ADK: variants seen among roughly 807,000 people sequenced by gnomAD.
The protein encoded by ADK is adenosine kinase.
Under a neutral mutation model 44.7 loss-of-function variants are expected in ADK, and 24 were observed. That is an observed-to-expected ratio of 0.54 (90% CI 0.39 to 0.76). ADK has a LOEUF of 0.76. Among genes scored for constraint, ADK ranks in the 30% least tolerant of loss-of-function variants. The probability of loss-of-function intolerance (pLI) is 0.00; values close to 1 mark genes in which losing one functional copy is unlikely to be tolerated. For synonymous variants in ADK, 128 were observed against 142.6 expected, an observed-to-expected ratio of 0.90 and a Z score of 0.73; for missense variants, 321 against 425.1, an observed-to-expected ratio of 0.76 and a Z score of 2.15.
chr10:74,695,496 GTA>G (rs1296923353), intron 10 of ADK, among the ~76,000 whole-genome samples: 26 of 143,258 alleles, frequency 1.8e-4, no homozygotes, highest in African/African-American at 5.3e-4. Context: ...GTGTGTGTGT[GTA>G]TGTGTGTATG....
rs899399398 is a variant in ADK, at chr10:74,454,656, C to T, written c.555+56077C>T. ...GGCCTCTATAACAAAAACAGATTAA[C>T]AAGAGAAAAGTATACTATAATTTAA... On this transcript the variant is annotated intron_variant, in intron 6 of 10. Coordinates refer to ENST00000539909, the MANE Select transcript of ADK (RefSeq NM_006721.4). 6.6e-5 allele frequency among the ~76,000 whole-genome samples: 10 copies of T among 152,138 alleles called. No individual in the cohort carries two copies. The East Asian group carries it at 1.9e-3, about 29-fold the overall frequency.
intron 7 of ADK, among the ~76,000 whole-genome samples, chr10:74,554,188 G>A (rs1006317268): frequency 6.6e-6 from 1 of 152,038 alleles, no homozygotes; most frequent in Non-Finnish European, 1.5e-5. Context: ...ATACATTAAT[G>A]TACTCTTTTT....
chr10:74,403,039 A>G (rs530361418), intron 6 of ADK, among the ~76,000 whole-genome samples: 146 of 152,266 alleles, frequency 9.6e-4, no homozygotes, highest in African/African-American at 3.1e-3. Context: ...TTGCCTGGCT[A>G]TCACCAGCAG....
chr10:74,204,746 T>G (rs7909197), intron 2 of ADK, among the ~76,000 whole-genome samples: 111,984 of 152,050 alleles, frequency 0.74, 41,943 homozygotes, highest in Middle Eastern at 0.85. Flanking sequence ...AAAATTTCTT[T>G]TTCTGTCAAA....
At chr10:74,577,496 A>T (rs1851235282) in intron 7 of ADK, among the ~76,000 whole-genome samples, 1 of 151,412 alleles carries the variant, frequency 6.6e-6, no homozygotes, top group South Asian at 2.1e-4. Flanking sequence ...AACTATTGCT[A>T]CCTCTGAAGA....
At chr10:74,529,910 A>G (rs1332548193) in intron 7 of ADK, among the ~76,000 whole-genome samples, 1 of 152,186 alleles carries the variant, frequency 6.6e-6, no homozygotes, top group Non-Finnish European at 1.5e-5. Context: ...TGATAAATAA[A>G]TTGATTTCTA....
chr10:74,492,241 G>A lies in ADK; in HGVS notation c.556-33015G>A, dbSNP rs545150313. ...TAGAGATCTTATTCAAATTTTTTCA[G>A]TTATACCACTAATACCCTTCATGGC... On this transcript the variant is annotated intron_variant, in intron 6 of 10. Transcript: ENST00000539909. Among the ~76,000 whole-genome samples, 9 of 152,158 alleles carry A rather than the reference G, an allele frequency of 5.9e-5. No individual in the cohort carries two copies. In the South Asian group the frequency reaches 1.9e-3, roughly 32 times the overall value.
rs118139119 is a variant in ADK at position 74,403,855 on chromosome 10, C to G, written c.555+5276C>G. Among the ~76,000 whole-genome samples the G allele has an allele frequency of 4.5e-3, 681 of 152,064 alleles. 5 individuals carry two copies. The highest frequency in any genetic ancestry group is 7.5e-3 in the Non-Finnish European group (508 of 67,952). On this transcript the variant is annotated intron_variant, in intron 6 of 10. Coordinates refer to ENST00000539909, the MANE Select transcript of ADK (RefSeq NM_006721.4). Reference sequence around the variant, plus strand: ...CTGGGAGCTGTAGAATGGAGCTGTTCCTATTCCTTTTTTTGTTTTGTTTTG... The same window carrying G: ...CTGGGAGCTGTAGAATGGAGCTGTTGCTATTCCTTTTTTTGTTTTGTTTTG...
At chr10:74,256,808 C>T (rs936101158) in intron 3 of ADK, among the ~76,000 whole-genome samples, 3 of 152,040 alleles carry the variant, frequency 2.0e-5, no homozygotes, top group South Asian at 2.1e-4. Flanking sequence ...GGTACATGAA[C>T]CTAACGTGTT....
At chr10:74,645,607 C>T (rs1467791110) in intron 9 of ADK, among the ~76,000 whole-genome samples, 5 of 152,186 alleles carry the variant, frequency 3.3e-5, no homozygotes, top group Non-Finnish European at 5.9e-5. Context: ...TTAATACTTA[C>T]TCTAATAGTA....
chr10:74,381,465 G>C (rs77642082), intron 4 of ADK, among the ~76,000 whole-genome samples: 3 of 152,298 alleles, frequency 2.0e-5, no homozygotes, highest in East Asian at 3.9e-4. Context: ...ATATTTGCAG[G>C]CTTTTATAGT....
intron 9 of ADK, among the ~76,000 whole-genome samples, chr10:74,669,085 T>TC (rs1855077501): frequency 6.6e-6 from 1 of 152,142 alleles, no homozygotes; most frequent in African/African-American, 2.4e-5. Flanking sequence ...GAATGAGTCC[T>TC]CTTCTTGAAT....
chr10:74,505,517 CT>C (rs35285709), intron 6 of ADK, among the ~76,000 whole-genome samples: 5,144 of 131,304 alleles, frequency 0.039, 88 homozygotes, highest in African/African-American at 0.063. Context: ...CTTCCCCCCA[CT>C]TTTTTTTTTT....
At chr10:74,280,082 G>T (rs1251283968) in intron 3 of ADK, among the ~76,000 whole-genome samples, 5 of 152,004 alleles carry the variant, frequency 3.3e-5, no homozygotes, top group Non-Finnish European at 7.4e-5. Context: ...TGTTCATATC[G>T]TCTCTACCAC....
chr10:74,188,962 G>A (rs571569112), intron 1 of ADK, among the ~76,000 whole-genome samples: 1 of 151,954 alleles, frequency 6.6e-6, no homozygotes, highest in South Asian at 2.1e-4. Flanking sequence ...TAGTAGAGAC[G>A]GGGTTTTACC....
intron 3 of ADK, among the ~76,000 whole-genome samples, chr10:74,232,992 G>C (rs1844836544): frequency 6.6e-6 from 1 of 152,176 alleles, no homozygotes; most frequent in South Asian, 2.1e-4. Flanking sequence ...AAAAATGTGT[G>C]TTATTGGTGG....
At chr10:74,453,180 C>T (rs1845832744) in intron 6 of ADK, among the ~76,000 whole-genome samples, 1 of 151,884 alleles carries the variant, frequency 6.6e-6, no homozygotes, top group African/African-American at 2.4e-5. Flanking sequence ...ATACCTGATG[C>T]CATCCAGATG....
At chr10:74,571,514 T>G (rs531379260) in intron 7 of ADK, among the ~76,000 whole-genome samples, 238 of 152,372 alleles carry the variant, frequency 1.6e-3, no homozygotes, top group African/African-American at 5.5e-3. Context: ...GGTTTAGTCT[T>G]GGGAGGGTGT....
At chr10:74,460,429 TAC>T (rs747550985) in intron 6 of ADK, among the ~76,000 whole-genome samples, 1 of 152,214 alleles carries the variant, frequency 6.6e-6, no homozygotes, top group Non-Finnish European at 1.5e-5. Context: ...TATTTTTTAT[TAC>T]ACACACATGT....
Sources: gnomAD v4.1 joint callset for allele counts (sites outside exome capture counted in the v4.1 genomes callset) on GRCh38, gnomAD v4.1.1 for gene constraint, MANE v1.5 for transcripts, NCBI Gene and HGNC (gene_info 2026-07-23, HGNC 2026-07-21) for gene names.